The following GLMN variants were observed in gnomAD, a reference collection of about 807,000 sequenced individuals.
The protein encoded by GLMN is glomulin.
GLMN carries 75 observed loss-of-function variants against 87.8 expected under a neutral mutation model. The observed-to-expected ratio is 0.85, with a 90% CI of 0.71 to 1.04. The LOEUF (loss-of-function observed/expected upper bound fraction) is 1.04. Among genes scored for constraint, GLMN ranks in the 50% least tolerant of loss-of-function variants. The pLI, the probability that GLMN is intolerant of heterozygous loss-of-function variation, is 0.00. For missense variants in GLMN, 588 were observed against 658.8 expected (o/e 0.89, Z 1.18); for synonymous variants, 206 against 221.6 (o/e 0.93, Z 0.63).
chr1:92,259,631 T>G (rs528994102), intron 16 of GLMN, among the ~76,000 whole-genome samples: 2 of 152,292 alleles, frequency 1.3e-5, no homozygotes, highest in South Asian at 2.1e-4. Context: ...CTTAGCACAC[T>G]TAAGTGCTCA....
At chr1:92,299,395 A>G (rs1442994870), upstream of GLMN, among the ~76,000 whole-genome samples, 3 of 152,090 alleles carry the variant, frequency 2.0e-5, no homozygotes, top group Admixed American at 2.0e-4. Flanking sequence ...CTCTGAGACA[A>G]AGGACAGTGG....
chr1:92,250,646 T>A (rs2100784948), intron 16 of GLMN, among the ~76,000 whole-genome samples: 1 of 152,270 alleles, frequency 6.6e-6, no homozygotes, highest in East Asian at 1.9e-4. Flanking sequence ...TTCCCTCAAA[T>A]CCTTTCCATA....
At chr1:92,249,581 G>T (rs1003814607) in intron 16 of GLMN, among the ~76,000 whole-genome samples, 5 of 152,058 alleles carry the variant, frequency 3.3e-5, no homozygotes, top group African/African-American at 1.2e-4. Context: ...TAATGTCAGA[G>T]TATTTGGGGT....
chr1:92,323,590 G>A, the GLMN span: 1 of 1,613,968 alleles, frequency 6.2e-7, no homozygotes, highest in South Asian at 1.1e-5. Flanking sequence ...GCAAGACTTT[G>A]TTTCCTCCAT....
the GLMN span, chr1:92,323,453 C>T: frequency 1.9e-6 from 3 of 1,575,870 alleles, no homozygotes; most frequent in Non-Finnish European, 2.6e-6. Context: ...AGTGGCCATT[C>T]TGGAGAAGAA....
the GLMN span, among the ~76,000 whole-genome samples, chr1:92,355,227 G>A: frequency 2.6e-5 from 4 of 151,554 alleles, no homozygotes; most frequent in African/African-American, 9.7e-5. Flanking sequence ...ACTATACAAG[G>A]GTCTCTTGAA....
chr1:92,259,956 T>C (rs148910479), intron 16 of GLMN, among the ~76,000 whole-genome samples: 76 of 152,110 alleles, frequency 5.0e-4, no homozygotes, highest in Non-Finnish European at 7.6e-4. Context: ...AGGATGGTCT[T>C]GATCTCCTGA....
the GLMN span, among the ~76,000 whole-genome samples, chr1:92,314,873 C>T: frequency 3.3e-5 from 5 of 151,816 alleles, no homozygotes; most frequent in Non-Finnish European, 4.4e-5. Context: ...GGCAAAACCC[C>T]GTCTCTACTA....
At chr1:92,365,423 T>C in the GLMN span, among the ~76,000 whole-genome samples, 1 of 152,146 alleles carries the variant, frequency 6.6e-6, no homozygotes, top group Non-Finnish European at 1.5e-5. Context: ...GATTCAAAGA[T>C]TTTGATTCAT....
chr1:92,281,341 A>G (rs932180572), intron 7 of GLMN, among the ~76,000 whole-genome samples: 4 of 152,232 alleles, frequency 2.6e-5, no homozygotes, highest in African/African-American at 7.2e-5. Flanking sequence ...AGAATTTTCA[A>G]CCCAGAATTT....
the GLMN span, among the ~76,000 whole-genome samples, chr1:92,367,765 CAT>C: frequency 5.3e-5 from 8 of 152,174 alleles, no homozygotes; most frequent in Admixed American, 4.6e-4. Flanking sequence ...ATTTTATTCA[CAT>C]AGACATTCTC....
chr1:92,337,479 A>C, the GLMN span, among the ~76,000 whole-genome samples: 2 of 152,154 alleles, frequency 1.3e-5, no homozygotes, highest in Non-Finnish European at 2.9e-5. Context: ...TTTAAGGCAA[A>C]CCTCAAAAAT....
intron 14 of GLMN, 97 bp downstream of exon 14, chr1:92,264,457 T>A: frequency 1.4e-6 from 1 of 690,362 alleles, no homozygotes. Flanking sequence ...ATAGTAATAC[T>A]AGAGATAGAG....
At chr1:92,280,328 G>T (rs933131639) in intron 7 of GLMN, among the ~76,000 whole-genome samples, 2 of 152,128 alleles carry the variant, frequency 1.3e-5, no homozygotes, top group African/African-American at 4.8e-5. Context: ...ATGCAAACAG[G>T]GTCTGGAGTG....
chr1:92,333,323 G>A, the GLMN span: 1 of 1,265,770 alleles, frequency 7.9e-7, no homozygotes, highest in Non-Finnish European at 1.2e-6. Flanking sequence ...AATGTTTATT[G>A]TTCTGCTTAT....
chr1:92,253,801 C>T (rs1456740499), intron 16 of GLMN, among the ~76,000 whole-genome samples: 1 of 152,168 alleles, frequency 6.6e-6, no homozygotes, highest in African/African-American at 2.4e-5. Flanking sequence ...TAGAAATCCA[C>T]GAAGACGAGG....
At chr1:92,348,686 A>G in the GLMN span, among the ~76,000 whole-genome samples, 1 of 152,124 alleles carries the variant, frequency 6.6e-6, no homozygotes, top group Non-Finnish European at 1.5e-5. Context: ...TTTTATCTCC[A>G]ACTTTGTCCA....
At chr1:92,303,465 C>T (rs920239303), upstream of GLMN, among the ~76,000 whole-genome samples, 1 of 152,146 alleles carries the variant, frequency 6.6e-6, no homozygotes, top group Non-Finnish European at 1.5e-5. Flanking sequence ...CATCACCTCA[C>T]CACTCTGTAC....
the GLMN span, among the ~76,000 whole-genome samples, chr1:92,345,400 A>AG: frequency 7.2e-5 from 10 of 138,318 alleles, no homozygotes; most frequent in African/African-American, 2.1e-4. Flanking sequence ...AAAAAAAAAA[A>AG]AGAGAGAGAG....
Sources: gnomAD v4.1 joint callset for allele counts (sites outside exome capture counted in the v4.1 genomes callset) on GRCh38, gnomAD v4.1.1 for gene constraint, MANE v1.5 for transcripts, NCBI Gene and HGNC (gene_info 2026-07-23, HGNC 2026-07-21) for gene names.